The following SETD2 variants were observed in gnomAD, a reference collection of about 807,000 sequenced individuals.
SETD2 encodes the protein histone-lysine N-methyltransferase SETD2.
SETD2 carries 31 observed loss-of-function variants against 242.1 expected under a neutral mutation model. The observed-to-expected ratio is 0.13, with a 90% CI of 0.10 to 0.17. The LOEUF is 0.17. SETD2 is among the 10% of genes least tolerant of loss of function. The pLI is 1.00. For synonymous variants in SETD2, 1,006 were observed against 1,066.5 expected, an observed-to-expected ratio of 0.94 and a Z score of 1.11; for missense variants, 2,481 against 3,046.3, an observed-to-expected ratio of 0.81 and a Z score of 4.37.
intron 6 of SETD2, among the ~76,000 whole-genome samples, chr3:47,105,423 A>AC (rs2042372933): frequency 6.6e-6 from 1 of 151,276 alleles, no homozygotes; most frequent in African/African-American, 2.4e-5. Context: ...AAAAAAAAAA[A>AC]AAAAGGCACT....
intron 1 of SETD2, chr3:47,138,136 T>C: frequency 6.6e-6 from 1 of 150,946 alleles, no homozygotes; most frequent in Non-Finnish European, 1.5e-5. Context: ...CACGCCTGGC[T>C]AATTTTTTTG....
chr3:47,059,374 C>G (rs2040236722), intron 14 of SETD2, among the ~76,000 whole-genome samples: 1 of 151,878 alleles, frequency 6.6e-6, no homozygotes, highest in African/African-American at 2.4e-5. Context: ...CCTCAGCCTC[C>G]CAAAGTGCTG....
rs745499104 is a variant in SETD2 at position 47,124,478 on chromosome 3, C to T, written c.158G>A (p.Arg53Gln). ...TGTTTTGGTGCCTTTGGGCAAAAAT[C>T]GACTAGAAGCAACACCTTTGAACAT... ...GPMFKGVASS[R>Q]FLPKGTKTKV... Residue 53 changes from arginine to glutamine, a missense_variant, in exon 3 of 21, where the codon CGA (arginine) becomes CAA (glutamine). Coordinates refer to ENST00000409792, the MANE Select transcript of SETD2 (RefSeq NM_014159.7). 79 of 1,551,616 alleles carry T rather than the reference C, an allele frequency of 5.1e-5. No individual in the cohort carries two copies. The highest frequency in any genetic ancestry group is 6.4e-5 in the Non-Finnish European group (73 of 1,147,000).
chr3:47,092,709 G>A (rs1240121037), intron 9 of SETD2, among the ~76,000 whole-genome samples: 1 of 151,750 alleles, frequency 6.6e-6, no homozygotes, highest in Admixed American at 6.6e-5. Context: ...CTTCTTGATG[G>A]AATACAACAT....
intron 18 of SETD2, among the ~76,000 whole-genome samples, chr3:47,027,983 T>G (rs1037065549): frequency 6.6e-6 from 1 of 152,080 alleles, no homozygotes; most frequent in South Asian, 2.1e-4. Flanking sequence ...TTTAGTAGAA[T>G]TGGGGTTTCA....
At position 47,122,633 on chromosome 3, in the gene SETD2, G is replaced by A. The variant is rs1019436227; in HGVS notation, c.2003C>T (p.Pro668Leu). The A allele has an allele frequency of 6.2e-7, 1 of 1,613,548 alleles. No individual in the cohort carries two copies. The highest frequency in any genetic ancestry group is 8.5e-7 in the Non-Finnish European group (1 of 1,179,664). Residue 668 changes from proline (P) to leucine (L), a missense_variant, in exon 3 of 21, where the codon CCC (proline) becomes CTC (leucine). Around this residue, in one of 17 missense-constraint regions of SETD2, gnomAD observed 1,300 missense variants for 1,259.2 expected, o/e 1.03. Coordinates refer to ENST00000409792, the MANE Select transcript of SETD2 (RefSeq NM_014159.7). ...AGATCCATTTATATTTAATTCTATG[G>A]GACAAAAACTTCTTAATTGATCATT... ...VKNDQLRSFC[P>L]IELNINGSPG...
intron 15 of SETD2, among the ~76,000 whole-genome samples, chr3:47,049,661 C>T (rs1434120939): frequency 6.8e-6 from 1 of 147,218 alleles, no homozygotes; most frequent in Non-Finnish European, 1.5e-5. Flanking sequence ...TGTGAGCCAC[C>T]GCGCCTGGCC....
intron 6 of SETD2, 132 bp downstream of exon 6, chr3:47,105,865 T>C (rs1180250713): frequency 1.2e-5 from 12 of 1,021,950 alleles, no homozygotes; most frequent in Non-Finnish European, 1.7e-5. Flanking sequence ...ATCTTGCCAC[T>C]GCACTCCAGC....
At chr3:47,118,756 GCA>G (rs1275340464) in intron 3 of SETD2, among the ~76,000 whole-genome samples, 1 of 151,592 alleles carries the variant, frequency 6.6e-6, no homozygotes, top group Non-Finnish European at 1.5e-5. Context: ...AAATCTATGT[GCA>G]CAGTTTTATA....
At chr3:47,149,659 C>T (rs879393852) in intron 1 of SETD2, among the ~76,000 whole-genome samples, 31 of 152,268 alleles carry the variant, frequency 2.0e-4, no homozygotes, top group Admixed American at 3.9e-4. Context: ...TCCCTGATTG[C>T]CCACCTGATC....
At chr3:47,103,570 C>A in intron 6 of SETD2, 147 bp from the exon 7 acceptor site, 1 of 562,744 alleles carries the variant, frequency 1.8e-6, no homozygotes. Context: ...GCAGTGAGGC[C>A]TCCTGACTAC....
chr3:47,084,408 A>C (rs754048952), intron 11 of SETD2, 26 bp from the exon 12 acceptor site: 14 of 1,476,536 alleles, frequency 9.5e-6, no homozygotes, highest in East Asian at 2.3e-5. Context: ...AAAAAATTAC[A>C]TCACTTTGTA....
Position 47,054,624 on chromosome 3 carries a change from T to TAC in SETD2, c.6963+2195_6963+2196dup, listed in dbSNP as rs547915822. On this transcript the variant is annotated intron_variant, in intron 15 of 20. Coordinates refer to ENST00000409792, the MANE Select transcript of SETD2 (RefSeq NM_014159.7). Reference sequence around the variant, plus strand: ...GGGAGAATGAAACATACTCTCTCCCTACACACACACACAAACAATTCACAC... The same window carrying TAC: ...GGGAGAATGAAACATACTCTCTCCCTACACACACACACACAAACAATTCACAC... Among the ~76,000 whole-genome samples the TAC allele has an allele frequency of 2.6e-4, 39 of 151,892 alleles. No individual in the cohort carries two copies. In the East Asian group the frequency reaches 2.9e-3, roughly 11 times the overall value.
rs1303623813 is a variant in SETD2, at chr3:47,122,841, C to T, written c.1795G>A (p.Glu599Lys). 3.1e-6 allele frequency: 5 copies of T among 1,613,172 alleles called. No individual in the cohort carries two copies. The highest frequency in any genetic ancestry group is 1.3e-5 in the African/African-American group (1 of 74,888). ...GGATTTTTATTAATCATTCTTAATT[C>T]ACTACCTTTTGAACAAGGTGTCTGT... Reference protein sequence around the residue: ...SLQTPCSKGSELRMINKNPER... With the variant: ...SLQTPCSKGSKLRMINKNPER... The change falls in exon 3 of 21, where the codon GAA becomes AAA. Residue 599 changes from glutamate (E) to lysine (K), a missense_variant. Physicochemically the swap from Glu to Lys is moderately conservative, Grantham distance 56 (BLOSUM62 1). Coordinates refer to ENST00000409792, the MANE Select transcript of SETD2 (RefSeq NM_014159.7).
chr3:47,060,352 T>C (rs1404687206), intron 14 of SETD2, among the ~76,000 whole-genome samples: 1 of 152,148 alleles, frequency 6.6e-6, no homozygotes, highest in Non-Finnish European at 1.5e-5. Context: ...GGTAGGGTTC[T>C]AAGGAAGCAG....
At chr3:47,131,321 T>TAAA in intron 1 of SETD2, among the ~76,000 whole-genome samples, 1 of 152,300 alleles carries the variant, frequency 6.6e-6, no homozygotes, top group Non-Finnish European at 1.5e-5. Flanking sequence ...TGACAGCTTT[T>TAAA]AGCTCATTTT....
At chr3:47,086,164 T>A (rs1290214925) in intron 11 of SETD2, 31 bp downstream of exon 11, 2 of 1,608,762 alleles carry the variant, frequency 1.2e-6, no homozygotes, top group Non-Finnish European at 1.7e-6. Flanking sequence ...ATAACAGTTT[T>A]AAGAAACAAG....
In SETD2 at chr3:47,062,326, C is replaced by T. The variant is rs2107589994; in HGVS notation, c.6130G>A (p.Ala2044Thr). 2.5e-6 allele frequency: 4 copies of T among 1,605,898 alleles called. No individual in the cohort carries two copies. Among genetic ancestry groups the T allele is most frequent in the Non-Finnish European group, 3.4e-6 (4 of 1,177,378 alleles). The change falls in exon 14 of 21, where the codon GCT becomes ACT. Residue 2044 changes from alanine to threonine, a missense_variant. By Grantham distance (58) the Ala-to-Thr change is moderately conservative. This residue lies in a region of SETD2 where 80 missense variants were observed against 102.6 expected (regional missense o/e 0.78). Coordinates refer to ENST00000409792, the MANE Select transcript of SETD2 (RefSeq NM_014159.7). Reference sequence around the variant, plus strand: ...GGTGTTTGATCTCTGAAGCCAACAGCATCCCTTCCTCGTTCAGTTGCTAAG... The same window carrying T: ...GGTGTTTGATCTCTGAAGCCAACAGTATCCCTTCCTCGTTCAGTTGCTAAG... ...ENTTTERGRD[A>T]VGFRDQTPAP...
At chr3:47,054,307 G>A (rs1313209389) in intron 15 of SETD2, among the ~76,000 whole-genome samples, 1 of 152,100 alleles carries the variant, frequency 6.6e-6, no homozygotes, top group East Asian at 1.9e-4. Flanking sequence ...CATTGGGAAG[G>A]AATAAATGGA....
Sources: gnomAD v4.1 joint callset for allele counts (sites outside exome capture counted in the v4.1 genomes callset) on GRCh38, gnomAD v4.1.1 for gene constraint, gnomAD v4.1.1 regional missense constraint, MANE v1.5 for transcripts, NCBI Gene and HGNC (gene_info 2026-07-23, HGNC 2026-07-21) for gene names.